ABCA5: variants seen among roughly 807,000 people sequenced by gnomAD.
ABCA5 encodes the protein ATP binding cassette subfamily A member 5, also known as cholesterol transporter ABCA5.
ABCA5 carries 163 observed loss-of-function variants against 206.0 expected under a neutral mutation model. The ratio of observed to expected loss-of-function variants is 0.79; its 90% CI spans 0.70 to 0.90. The LOEUF (loss-of-function observed/expected upper bound fraction) is 0.90, where lower values mean the gene tolerates loss of function less well. Ranked by LOEUF, ABCA5 falls within the 40% of genes least tolerant of loss-of-function variation. The pLI, the probability that ABCA5 is intolerant of heterozygous loss-of-function variation, is 0.00. For synonymous variants in ABCA5, 609 were observed against 613.8 expected, an observed-to-expected ratio of 0.99 and a Z score of 0.11; for missense variants, 1,859 against 1,912.9, an observed-to-expected ratio of 0.97 and a Z score of 0.53.
chr17:69,254,221 T>G, intron 32 of ABCA5, 94 bp downstream of exon 32: 1 of 1,031,042 alleles, frequency 9.7e-7, no homozygotes, highest in Non-Finnish European at 1.4e-6. Context: ...ATAAAAATCA[T>G]TGTCCACAGA....
intron 33 of ABCA5, 21 bp downstream of exon 33, chr17:69,253,773 T>C (rs1489947160): frequency 3.7e-6 from 6 of 1,600,668 alleles, no homozygotes; most frequent in African/African-American, 1.3e-5. Context: ...ACAGGCATTA[T>C]TTGGTGTTTA....
In ABCA5 at chr17:69,313,098, G is replaced by C. The variant is rs777877299; in HGVS notation, c.301C>G (p.Pro101Ala). Reference sequence around the variant, plus strand: ...ATATATAAGCTCACAATACCATCAGGTAGATGATCAGTAGACACTTTCTGC... The same window carrying C: ...ATATATAAGCTCACAATACCATCAGCTAGATGATCAGTAGACACTTTCTGC... ...IMQKVSTDHL[P>A]DVIITEEYTN... The change falls in exon 3 of 39, where the codon CCT becomes GCT. Residue 101 changes from proline to alanine, a missense_variant. By Grantham distance (27) the Pro-to-Ala change is conservative. Transcript: ENST00000392676. 1.3e-6 allele frequency: 2 copies of C among 1,598,256 alleles called. No homozygotes were observed. Among genetic ancestry groups the C allele is most frequent in the East Asian group, 2.2e-5 (1 of 44,488 alleles).
chr17:69,283,303 C>G (rs2144966424), intron 18 of ABCA5, among the ~76,000 whole-genome samples: 1 of 152,134 alleles, frequency 6.6e-6, no homozygotes, highest in South Asian at 2.1e-4. Flanking sequence ...TCACTGACAC[C>G]CTAGTTCAAG....
At position 69,256,165 on chromosome 17, in the gene ABCA5, A is replaced by AAC; in HGVS notation, c.3848_3849dup (p.Cys1284ValfsTer29). ...CATAAAGAATAAATTACCTCCTCAC[A>AAC]ACACTGGCAACCCATCAGCTCTTTG... On this transcript the variant is annotated frameshift_variant, in exon 29 of 39. Transcript: ENST00000392676. LOFTEE classifies it high-confidence loss of function. The AAC allele has an allele frequency of 6.2e-7, 1 of 1,600,382 alleles. No individual in the cohort carries two copies. Among genetic ancestry groups the AAC allele is most frequent in the Non-Finnish European group, 8.5e-7 (1 of 1,174,672 alleles).
In ABCA5 at chr17:69,273,949, A is replaced by G; in HGVS notation, c.2764+10T>C. ...CCAACACTCGTTCACAGACCTTCACACACTCTCACCAGCAGAATTTTGAAG... is the reference window on the plus strand; with the variant it reads ...CCAACACTCGTTCACAGACCTTCACGCACTCTCACCAGCAGAATTTTGAAG... On this transcript the variant is annotated intron_variant, in intron 20 of 38. Coordinates refer to ENST00000392676, the MANE Select transcript of ABCA5 (RefSeq NM_172232.4). The G allele has an allele frequency of 6.3e-7, 1 of 1,596,238 alleles. No individual in the cohort carries two copies. Among genetic ancestry groups the G allele is most frequent in the Non-Finnish European group, 8.5e-7 (1 of 1,174,362 alleles).
At chr17:69,266,594 A>T (rs973330709) in intron 23 of ABCA5, among the ~76,000 whole-genome samples, 1 of 147,410 alleles carries the variant, frequency 6.8e-6, no homozygotes, top group African/African-American at 2.4e-5. Context: ...ATAAATAAAA[A>T]AATTAAAAAA....
intron 2 of ABCA5, 46 bp downstream of exon 2, chr17:69,314,268 G>T: frequency 8.1e-7 from 1 of 1,239,454 alleles, no homozygotes; most frequent in Non-Finnish European, 1.2e-6. Flanking sequence ...AATATATCAA[G>T]CAAAATAAAC....
At chr17:69,270,544 C>T (rs2075260729) in intron 22 of ABCA5, 69 bp downstream of exon 22, 1 of 1,364,266 alleles carries the variant, frequency 7.3e-7, no homozygotes, top group East Asian at 2.7e-5. Flanking sequence ...GTTATTTTTG[C>T]TTAGTTTTTA....
At chr17:69,296,388 A>G (rs535154719) in intron 10 of ABCA5, among the ~76,000 whole-genome samples, 14 of 151,924 alleles carry the variant, frequency 9.2e-5, no homozygotes, top group African/African-American at 2.2e-4. Context: ...TCTTTCACCT[A>G]ATTTTATTTC....
At chr17:69,288,801 A>T (rs1191201200) in intron 14 of ABCA5, among the ~76,000 whole-genome samples, 1 of 152,114 alleles carries the variant, frequency 6.6e-6, no homozygotes, top group Non-Finnish European at 1.5e-5. Context: ...CCTTCCTAAA[A>T]GTAACCAGTT....
At chr17:69,290,304 A>G (rs747663865) in intron 12 of ABCA5, among the ~76,000 whole-genome samples, 16 of 152,140 alleles carry the variant, frequency 1.1e-4, no homozygotes, top group Non-Finnish European at 1.8e-4. Context: ...ATATCTATTG[A>G]TACACTATTT....
chr17:69,286,718 T>C (rs2075458233), intron 15 of ABCA5, among the ~76,000 whole-genome samples: 1 of 152,050 alleles, frequency 6.6e-6, no homozygotes, highest in Admixed American at 6.6e-5. Flanking sequence ...CAAATGTTAG[T>C]TTGTTGGGTT....
chr17:69,312,366 C>A (rs760351738), intron 3 of ABCA5, among the ~76,000 whole-genome samples: 8 of 152,008 alleles, frequency 5.3e-5, no homozygotes, highest in Non-Finnish European at 1.2e-4. Context: ...GAGTTTAGAC[C>A]AACCTGGGCA....
chr17:69,249,636 A>G (rs540493871), intron 37 of ABCA5: 30 of 404,646 alleles, frequency 7.4e-5, no homozygotes, highest in African/African-American at 5.7e-4. Flanking sequence ...ACATTACAAT[A>G]GAGTTTATCT....
intron 11 of ABCA5, among the ~76,000 whole-genome samples, chr17:69,293,074 C>T (rs1001887231): frequency 2.0e-5 from 3 of 152,042 alleles, no homozygotes; most frequent in Non-Finnish European, 4.4e-5. Flanking sequence ...AGACTGGAGA[C>T]ATTTTTGGTT....
At chr17:69,259,828 T>C (rs763370973) in intron 27 of ABCA5, 31 bp from the exon 28 acceptor site, 2 of 1,364,860 alleles carry the variant, frequency 1.5e-6, no homozygotes, top group African/African-American at 2.9e-5. Context: ...AGCTCATGAC[T>C]AAAAGATTTG....
chr17:69,289,776 T>C, intron 13 of ABCA5, 86 bp downstream of exon 13: 1 of 1,056,982 alleles, frequency 9.5e-7, no homozygotes, highest in Non-Finnish European at 1.3e-6. Context: ...ATTTAGATTT[T>C]CAAGCATATT....
At chr17:69,312,124 C>T (rs2075776400) in intron 3 of ABCA5, among the ~76,000 whole-genome samples, 1 of 152,180 alleles carries the variant, frequency 6.6e-6, no homozygotes, top group African/African-American at 2.4e-5. Flanking sequence ...ACATGCTAAT[C>T]TGTCATTTTC....
intron 28 of ABCA5, among the ~76,000 whole-genome samples, chr17:69,257,973 G>C (rs2075102165): frequency 6.6e-6 from 1 of 152,022 alleles, no homozygotes; most frequent in Non-Finnish European, 1.5e-5. Flanking sequence ...TCTATTTTCT[G>C]AGATAAATGA....
Sources: gnomAD v4.1 joint callset for allele counts (sites outside exome capture counted in the v4.1 genomes callset) on GRCh38, gnomAD v4.1.1 for gene constraint, MANE v1.5 for transcripts, NCBI Gene and HGNC (gene_info 2026-07-23, HGNC 2026-07-21) for gene names.